The following KLHL12 variants were observed in gnomAD, a reference collection of about 807,000 sequenced individuals.
The protein encoded by KLHL12 is kelch-like protein 12.
KLHL12 carries 17 observed loss-of-function variants against 60.8 expected under a neutral mutation model. That is an observed-to-expected ratio of 0.28 (90% CI 0.19 to 0.42). KLHL12 has a LOEUF of 0.42. Ranked by LOEUF, KLHL12 falls within the 10% of genes least tolerant of loss-of-function variation. The pLI, the probability that KLHL12 is intolerant of heterozygous loss-of-function variation, is 1.00. For synonymous variants in KLHL12, 220 were observed against 250.9 expected (o/e 0.88, Z 1.16); for missense variants, 468 against 722.3 (o/e 0.65, Z 4.04).
Position 202,915,417 on chromosome 1 carries a change from A to G in KLHL12, c.567+2754T>C, listed in dbSNP as rs1401449181. ...TGGCTGGTATAGGGAACAGAAAAAT[A>G]TATGTCACTTGCTTTCTTTCCAGAA... On this transcript the variant is annotated intron_variant, in intron 4 of 11. Transcript: ENST00000367261. Among the ~76,000 whole-genome samples the G allele has an allele frequency of 2.6e-5, 4 of 152,164 alleles. No individual in the cohort carries two copies. In the East Asian group the frequency reaches 7.7e-4, roughly 29 times the overall value.
Position 202,892,114 on chromosome 1 carries a change from GTTTAC to G in KLHL12, c.*414_*418del, listed in dbSNP as rs1162356252. On this transcript the variant is annotated 3_prime_UTR_variant, in exon 12 of 12. Transcript: ENST00000367261. Reference sequence around the variant, plus strand: ...AAAAAAAAGACTTGGATTTTACCAAGTTTACTTAAACTGGTATCTTTCCAATCATC... The same window carrying G: ...AAAAAAAAGACTTGGATTTTACCAAGTTAAACTGGTATCTTTCCAATCATC... 1 of 149,562 alleles carries G rather than the reference GTTTAC, an allele frequency of 6.7e-6. No homozygotes were observed. The highest frequency in any genetic ancestry group is 1.5e-5 in the Non-Finnish European group (1 of 68,124). 9.3% of individuals were successfully genotyped at this position (149,562 alleles called of 1,614,324 possible).
At chr1:202,910,985 T>G in intron 5 of KLHL12, 69 bp downstream of exon 5, 2 of 1,551,160 alleles carry the variant, frequency 1.3e-6, no homozygotes, top group Non-Finnish European at 1.8e-6. Context: ...AAATACTCAA[T>G]TTTGAATACA....
At chr1:202,912,630 C>T in intron 4 of KLHL12, 1 of 1,344,336 alleles carries the variant, frequency 7.4e-7, no homozygotes, top group Non-Finnish European at 1.1e-6. Context: ...AGCTCTGGGC[C>T]CCTATGGCGG....
chr1:202,897,072 G>A lies in KLHL12; in HGVS notation c.833-112C>T, dbSNP rs370985224. The A allele has an allele frequency of 7.3e-6, 6 of 821,732 alleles. 1 individual carries two copies. In the Middle Eastern group the frequency reaches 6.8e-4, roughly 93 times the overall value. The allele number at this position is 821,732 out of a possible 1,614,324, so 50.9% of individuals were successfully genotyped here. ...CTAGGATGTCTTGTTTTATGTGGCT[G>A]AGGGATGCAATCCGAAATGGGAGAT... On this transcript the variant is annotated intron_variant, in intron 6 of 11. Transcript: ENST00000367261.
In KLHL12 at chr1:202,909,398, A is replaced by C. The variant is rs542352882; in HGVS notation, c.718-274T>G. Among the ~76,000 whole-genome samples the C allele has an allele frequency of 6.6e-6, 1 of 152,090 alleles. No individual in the cohort carries two copies. Among genetic ancestry groups the C allele is most frequent in the African/African-American group, 2.4e-5 (1 of 41,446 alleles). On this transcript the variant is annotated intron_variant, in intron 5 of 11. Transcript: ENST00000367261. This position sits in a 1 kb window ranked among gnomAD's most constrained non-coding sequence, Gnocchi z 4.1. ...GTATTTCCCATCTATCGCAGCGCTTACATTTAACTATTTTTACATAGTTTG... is the reference window on the plus strand; with the variant it reads ...GTATTTCCCATCTATCGCAGCGCTTCCATTTAACTATTTTTACATAGTTTG...
chr1:202,928,596 CT>C (rs1226148818), upstream of KLHL12: 2 of 1,169,486 alleles, frequency 1.7e-6, no homozygotes, highest in Non-Finnish European at 2.3e-6. Context: ...GGCGAGAATC[CT>C]CTGAGCCTTA....
chr1:202,911,813 TG>T (rs1293670343), intron 4 of KLHL12: 4 of 731,632 alleles, frequency 5.5e-6, no homozygotes, highest in Admixed American at 4.4e-5. Context: ...CCTGCCGTCA[TG>T]TCTAAGTCAG....
chr1:202,918,685 T>C (rs1660596235), intron 3 of KLHL12, among the ~76,000 whole-genome samples: 2 of 152,186 alleles, frequency 1.3e-5, no homozygotes, highest in South Asian at 4.1e-4. Context: ...TATAAAACTC[T>C]TGGGAATCAA....
At chr1:202,904,266 A>AGC (rs1222963238) in intron 6 of KLHL12, among the ~76,000 whole-genome samples, 1 of 152,226 alleles carries the variant, frequency 6.6e-6, no homozygotes, top group Non-Finnish European at 1.5e-5. Flanking sequence ...AGCCTCCCAA[A>AGC]GCGCTGGGAT....
chr1:202,904,369 GATTTT>G (rs764442253), intron 6 of KLHL12, among the ~76,000 whole-genome samples: 7 of 151,924 alleles, frequency 4.6e-5, no homozygotes, highest in African/African-American at 9.7e-5. Context: ...TTTTGTATAT[GATTTT>G]TTTATTTATT....
Position 202,893,428 on chromosome 1 carries a change from G to A in KLHL12, c.1394-3C>T. 1 of 1,606,962 alleles carries A rather than the reference G, an allele frequency of 6.2e-7. No individual in the cohort carries two copies. On this transcript the variant is annotated splice_polypyrimidine_tract_variant and splice_region_variant and intron_variant, in intron 10 of 11. Coordinates refer to ENST00000367261, the MANE Select transcript of KLHL12 (RefSeq NM_021633.4). The surrounding 1 kb of genome is among the most constrained non-coding windows in gnomAD (Gnocchi z 4.1). ...ATTCAGCAGGGCTACTCCTGCACCTGGGGAAAATGAATGCATTAGCAAATG... is the reference window on the plus strand; with the variant it reads ...ATTCAGCAGGGCTACTCCTGCACCTAGGGAAAATGAATGCATTAGCAAATG...
chr1:202,907,340 GC>G (rs1381822481), intron 6 of KLHL12, among the ~76,000 whole-genome samples: 1 of 152,070 alleles, frequency 6.6e-6, no homozygotes, highest in Non-Finnish European at 1.5e-5. Flanking sequence ...GGTGGCTCAT[GC>G]CTGTAATCCC....
intron 6 of KLHL12, among the ~76,000 whole-genome samples, chr1:202,898,791 C>T (rs1232639931): frequency 1.3e-5 from 2 of 151,966 alleles, no homozygotes; most frequent in Non-Finnish European, 2.9e-5. Context: ...AAATCACGAG[C>T]AACGTGTGGA....
intron 4 of KLHL12, among the ~76,000 whole-genome samples, chr1:202,914,386 T>C (rs1399244187): frequency 2.0e-5 from 3 of 152,168 alleles, no homozygotes; most frequent in Non-Finnish European, 4.4e-5. Flanking sequence ...CAGGCAATTG[T>C]TGGATAAGAT....
intron 8 of KLHL12, among the ~76,000 whole-genome samples, chr1:202,894,972 A>C (rs1659786946): frequency 6.6e-6 from 1 of 152,220 alleles, no homozygotes; most frequent in Non-Finnish European, 1.5e-5. Flanking sequence ...GAGTTTGCAA[A>C]AACACAACTA....
chr1:202,900,077 G>A lies in KLHL12; in HGVS notation c.833-3117C>T, dbSNP rs1571518748. Reference sequence around the variant, plus strand: ...CCTTCTATCCAAACACATTTCCCATGTAGATGAATATGCCAGCAGATGATG... The same window carrying A: ...CCTTCTATCCAAACACATTTCCCATATAGATGAATATGCCAGCAGATGATG... On this transcript the variant is annotated intron_variant, in intron 6 of 11. Coordinates refer to ENST00000367261, the MANE Select transcript of KLHL12 (RefSeq NM_021633.4). 3.3e-5 allele frequency among the ~76,000 whole-genome samples: 5 copies of A among 152,196 alleles called. No individual in the cohort carries two copies. In the South Asian group the frequency reaches 1.0e-3, roughly 32 times the overall value.
Position 202,894,289 on chromosome 1 carries a change from G to T in KLHL12, c.1295-7C>A. The stretch of plus-strand genomic sequence containing the variant: ...TTCAAGCCGTCATATCCTCCTGGAA[G>T]ACAGAGACCATTCCAGAAAGAGTGG... On this transcript the variant is annotated splice_region_variant and splice_polypyrimidine_tract_variant and intron_variant, in intron 9 of 11. Transcript: ENST00000367261. The T allele has an allele frequency of 6.5e-7, 1 of 1,527,688 alleles. No individual in the cohort carries two copies. Among genetic ancestry groups the T allele is most frequent in the Non-Finnish European group, 8.9e-7 (1 of 1,123,866 alleles). The allele number at this position is 1,527,688 out of a possible 1,614,324, so 94.6% of individuals were successfully genotyped here. A position where few individuals can be genotyped will look rare whatever the true frequency, so the allele number is the denominator to read the frequency against.
At chr1:202,916,190 T>C (rs978866034) in intron 4 of KLHL12, among the ~76,000 whole-genome samples, 2 of 152,218 alleles carry the variant, frequency 1.3e-5, no homozygotes, top group Non-Finnish European at 2.9e-5. Flanking sequence ...CTTGACTCAA[T>C]AGCATTTGCA....
chr1:202,927,519 CAAAAAAAAAAAA>C (rs869139683), upstream of KLHL12, among the ~76,000 whole-genome samples: 2 of 52,814 alleles, frequency 3.8e-5, no homozygotes, highest in African/African-American at 1.7e-4. Flanking sequence ...CCCGTTTCTA[CAAAAAAAAAAAA>C]AAAAAAAAAA....
Sources: allele counts gnomAD v4.1 joint callset (sites outside exome capture counted in the v4.1 genomes callset), GRCh38; gene constraint gnomAD v4.1.1; non-coding constraint Gnocchi (gnomAD v3.1); transcripts MANE v1.5; gene names NCBI Gene and HGNC (gene_info 2026-07-23, HGNC 2026-07-21).